Variants in GANAB observed in about 807,000 individuals in gnomAD.
GANAB encodes the protein glucosidase II alpha subunit.
A neutral mutation model predicts 129.9 loss-of-function variants in GANAB; 35 were observed. The observed-to-expected ratio is 0.27, with a 90% confidence interval of 0.21 to 0.36. The LOEUF (loss-of-function observed/expected upper bound fraction) is 0.36. GANAB is among the 10% of genes least tolerant of loss of function. GANAB has a pLI of 1.00. For synonymous variants in GANAB, 482 were observed against 451.8 expected, an observed-to-expected ratio of 1.07 and a Z score of -0.85; for missense variants, 939 against 1,221.0, an observed-to-expected ratio of 0.77 and a Z score of 3.44.
chr11:62,634,607 C>A (rs1943850844), intron 5 of GANAB: 1 of 613,814 alleles, frequency 1.6e-6, no homozygotes, highest in African/African-American at 1.9e-5. Context: ...GCCCAGGGTA[C>A]AGCTCAGGGA....
Position 62,629,907 on chromosome 11 carries a change from C to T in GANAB, c.1644G>A (p.Val548=). The change falls in exon 14 of 24, where the codon GTG becomes GTA. Residue 548 remains valine, a synonymous_variant. Coordinates refer to ENST00000356638, the MANE Select transcript of GANAB (RefSeq NM_198334.3). ...FVWNDMNEPS[V]FNGPEVTMLK... ...GCATGGTGACCTCAGGACCATTGAA[C>T]ACAGATGGTTCGTTCATGTCATTCC... is the stretch of plus-strand genomic sequence containing the variant. The T allele has an allele frequency of 2.5e-6, 4 of 1,614,006 alleles. No individual in the cohort carries two copies. The highest frequency in any genetic ancestry group is 3.4e-6 in the Non-Finnish European group (4 of 1,179,850).
chr11:62,627,350 G>GAT lies in GANAB; in HGVS notation c.2183_2184insAT (p.Leu729SerfsTer10). 1 of 1,536,358 alleles carries GAT rather than the reference G, an allele frequency of 6.5e-7. No homozygotes were observed. The highest frequency in any genetic ancestry group is 9.0e-7 in the Non-Finnish European group (1 of 1,109,204). On this transcript the variant is annotated frameshift_variant, in exon 18 of 24. Transcript: ENST00000356638. LOFTEE classifies it high-confidence loss of function. ...CATCCTGAGGGTACTGCACCCACAG[G>GAT]GGCCTAGGAAGGAAGAAAGACAATA...
chr11:62,644,809 C>T lies in GANAB; in HGVS notation c.38+1753G>A, dbSNP rs540114270. ...CTGCACTCCATCCTAGGCAACAGAGCGAGACCCTGTTTCAATAAGTAAACA... is the reference window on the plus strand; with the variant it reads ...CTGCACTCCATCCTAGGCAACAGAGTGAGACCCTGTTTCAATAAGTAAACA... On this transcript the variant is annotated intron_variant, in intron 1 of 23. Coordinates refer to ENST00000356638, the MANE Select transcript of GANAB (RefSeq NM_198334.3). Among the ~76,000 whole-genome samples the T allele has an allele frequency of 3.9e-5, 6 of 152,040 alleles. No homozygotes were observed. The South Asian group carries it at 6.2e-4, about 16-fold the overall frequency.
Position 62,626,600 on chromosome 11 carries a change from T to A in GANAB, c.2482A>T (p.Ile828Phe). 6.2e-7 allele frequency: 1 copy of A among 1,611,260 alleles called. No homozygotes were observed. The highest frequency in any genetic ancestry group is 8.5e-7 in the Non-Finnish European group (1 of 1,177,568). The change falls in exon 21 of 24, where the codon ATC becomes TTC. Residue 828 changes from isoleucine (I) to phenylalanine (F), a missense_variant. Coordinates refer to ENST00000356638, the MANE Select transcript of GANAB (RefSeq NM_198334.3). ...RSSECMKDDP[I>F]TLFVALSPQG... The stretch of plus-strand genomic sequence containing the variant: ...GGGCTAAGTGCAACAAAGAGAGTGA[T>A]GGGGTCATCCTTCATACATTCTGAA...
chr11:62,629,205 G>C lies in GANAB; in HGVS notation c.1925C>G (p.Ser642Cys). 6.2e-7 allele frequency: 1 copy of C among 1,611,370 alleles called. No individual in the cohort carries two copies. Among genetic ancestry groups the C allele is most frequent in the Non-Finnish European group, 8.5e-7 (1 of 1,177,680 alleles). The change falls in exon 16 of 24, where the codon TCC becomes TGC. Residue 642 changes from serine (S) to cysteine (C), a missense_variant. Ser to Cys is a moderately radical substitution (Grantham distance 112). Around this residue, in one of 5 missense-constraint regions of GANAB, gnomAD observed 147 missense variants for 282.4 expected, o/e 0.52. Coordinates refer to ENST00000356638, the MANE Select transcript of GANAB (RefSeq NM_198334.3). ...MCLSLGLVGL[S>C]FCGADVGGFF... The stretch of plus-strand genomic sequence containing the variant: ...CCTCCCTGTCTTACCCCCACAGAAG[G>C]AAAGTCCCACCAGCCCCAAGCTGAG...
At chr11:62,633,616 C>G in intron 5 of GANAB, 102 bp from the exon 6 acceptor site, 4 of 1,008,110 alleles carry the variant, frequency 4.0e-6, no homozygotes, top group Non-Finnish European at 6.2e-6. Flanking sequence ...TCCAAAGGAA[C>G]GAAGGCATTG....
At chr11:62,639,161 G>A (rs1374057843) in intron 3 of GANAB, 51 bp from the exon 4 acceptor site, 1 of 1,603,328 alleles carries the variant, frequency 6.2e-7, no homozygotes, top group Admixed American at 1.7e-5. Flanking sequence ...ATACACCATG[G>A]AATGCTCTTT....
At chr11:62,632,976 C>T (rs1286687742) in intron 8 of GANAB, 29 bp downstream of exon 8, 6 of 1,354,508 alleles carry the variant, frequency 4.4e-6, no homozygotes, top group Non-Finnish European at 5.3e-6. Context: ...TGCCCACCTC[C>T]ATCTTCCTGA....
rs1943633947 is a variant in GANAB, at chr11:62,630,762, C to T, written c.1225G>A (p.Val409Met). 6.2e-7 allele frequency: 1 copy of T among 1,614,166 alleles called. No homozygotes were observed. The highest frequency in any genetic ancestry group is 1.1e-5 in the South Asian group (1 of 91,090). The part of the protein sequence containing the change: ...SRWNYRDEAD[V>M]LEVDQGFDDH... The stretch of plus-strand genomic sequence containing the variant: ...TCAAAGCCCTGATCCACTTCCAGCA[C>T]ATCAGCCTCGTCCCGGTAGTTCCAA... The change falls in exon 11 of 24, where the codon GTG (valine) becomes ATG (methionine). Residue 409 changes from valine to methionine, a missense_variant. Val to Met is a conservative substitution (Grantham distance 21, BLOSUM62 1). Around this residue, in one of 5 missense-constraint regions of GANAB, gnomAD observed 220 missense variants for 295.9 expected, o/e 0.74. Coordinates refer to ENST00000356638, the MANE Select transcript of GANAB (RefSeq NM_198334.3).
chr11:62,638,529 T>C (rs775901062), intron 4 of GANAB, among the ~76,000 whole-genome samples: 83 of 151,242 alleles, frequency 5.5e-4, no homozygotes, highest in Non-Finnish European at 1.1e-3. Context: ...CAGAGTATCA[T>C]GACACAAGAA....
rs1202374316 is a variant in GANAB, at chr11:62,630,856, G to C, written c.1151-20C>G. The C allele has an allele frequency of 6.3e-7, 1 of 1,587,512 alleles. No individual in the cohort carries two copies. Among genetic ancestry groups the C allele is most frequent in the South Asian group, 1.1e-5 (1 of 90,176 alleles). On this transcript the variant is annotated intron_variant, in intron 10 of 23. Coordinates refer to ENST00000356638, the MANE Select transcript of GANAB (RefSeq NM_198334.3). ...GGGTTCCTGCAGGTTCATGAGGGAT[G>C]GGGGTCACAACGAGGATCAGGCCCA...
intron 1 of GANAB, among the ~76,000 whole-genome samples, chr11:62,642,629 T>C (rs138660419): frequency 0.013 from 2,015 of 151,708 alleles, 36 homozygotes; most frequent in African/African-American, 0.046. Context: ...AGAGACGGGG[T>C]TTCATCATGT....
Position 62,630,126 on chromosome 11 carries a change from G to C in GANAB, c.1593+71C>G, listed in dbSNP as rs960618723. 4.3e-6 allele frequency: 6 copies of C among 1,382,488 alleles called. No homozygotes were observed. In the African/African-American group the frequency reaches 5.7e-5, roughly 13 times the overall value. 85.6% of individuals were successfully genotyped at this position (1,382,488 alleles called of 1,614,324 possible). On this transcript the variant is annotated intron_variant, in intron 13 of 23. Transcript: ENST00000356638. Reference sequence around the variant, plus strand: ...CAGGCAATCAACCATAGAAGGGTTGGCAAGCCGAGAGAGATTCAGGGAGGC... The same window carrying C: ...CAGGCAATCAACCATAGAAGGGTTGCCAAGCCGAGAGAGATTCAGGGAGGC...
intron 4 of GANAB, among the ~76,000 whole-genome samples, chr11:62,638,265 T>C (rs1944039009): frequency 1.3e-5 from 2 of 152,128 alleles, no homozygotes; most frequent in African/African-American, 2.4e-5. Context: ...GTAACCGTCC[T>C]GCCTCGGCCT....
At chr11:62,639,262 T>G (rs1483320855) in intron 3 of GANAB, 97 bp downstream of exon 3, 1 of 1,282,220 alleles carries the variant, frequency 7.8e-7, no homozygotes, top group African/African-American at 1.5e-5. Flanking sequence ...GTCCAAAGAT[T>G]AGGCTGGGAC....
chr11:62,645,755 T>G (rs1475947040), intron 1 of GANAB, among the ~76,000 whole-genome samples: 1 of 152,162 alleles, frequency 6.6e-6, no homozygotes, highest in African/African-American at 2.4e-5. Context: ...GCAGGGCAAG[T>G]TGCACGCATT....
At chr11:62,632,493 C>G (rs1943734988) in intron 9 of GANAB, 72 bp downstream of exon 9, 1 of 1,185,028 alleles carries the variant, frequency 8.4e-7, no homozygotes, top group Admixed American at 1.8e-5. Flanking sequence ...TAGCTAATGC[C>G]CCTAGTATAC....
chr11:62,626,985 C>T, intron 19 of GANAB, 51 bp from the exon 20 acceptor site: 1 of 1,570,912 alleles, frequency 6.4e-7, no homozygotes, highest in Non-Finnish European at 8.8e-7. Context: ...GCACAGGGGT[C>T]CCGTCCTGTT....
At position 62,639,389 on chromosome 11, in the gene GANAB, G is replaced by A. The variant is rs777996352; in HGVS notation, c.222C>T (p.Leu74=). ...LDSLQLGPDS[L]TVHLIHEVTK... is the part of the protein sequence containing the mutation. ...TGACCTCATGGATCAGATGGACCGT[G>A]AGGGAATCAGGACCAAGCTGTAGAG... Residue 74 remains leucine (L), a synonymous_variant, in exon 3 of 24, where the codon CTC becomes CTT. Coordinates refer to ENST00000356638, the MANE Select transcript of GANAB (RefSeq NM_198334.3). 2 of 1,612,338 alleles carry A rather than the reference G, an allele frequency of 1.2e-6. No homozygotes were observed. Among genetic ancestry groups the A allele is most frequent in the Non-Finnish European group, 8.5e-7 (1 of 1,178,564 alleles).
Sources: allele counts gnomAD v4.1 joint callset (sites outside exome capture counted in the v4.1 genomes callset), GRCh38; gene constraint gnomAD v4.1.1; regional missense constraint gnomAD v4.1.1; transcripts MANE v1.5; gene names NCBI Gene and HGNC (gene_info 2026-07-23, HGNC 2026-07-21).